CACNA2D1: variants seen among roughly 807,000 people sequenced by gnomAD.
The protein encoded by CACNA2D1 is calcium voltage-gated channel auxiliary subunit alpha2delta 1, also known as voltage-dependent calcium channel subunit alpha-2/delta-1.
In CACNA2D1, 53 loss-of-function variants were observed where a neutral mutation model predicts 171.5. The ratio of observed to expected loss-of-function variants is 0.31; its 90% CI spans 0.25 to 0.39. The LOEUF (loss-of-function observed/expected upper bound fraction) is 0.39. Among genes scored for constraint, CACNA2D1 ranks in the 10% least tolerant of loss-of-function variants. CACNA2D1 has a pLI of 1.00. For synonymous variants in CACNA2D1, 442 were observed against 443.1 expected (o/e 1.00, Z 0.03); for missense variants, 903 against 1,299.8 (o/e 0.69, Z 4.69).
intron 6 of CACNA2D1, among the ~76,000 whole-genome samples, chr7:82,110,784 A>C (rs1266050664): frequency 1.3e-5 from 2 of 152,218 alleles, no homozygotes; most frequent in African/African-American, 4.8e-5. Flanking sequence ...AAATTGCCTT[A>C]GCCACAAGGC....
chr7:82,087,456 T>C (rs1156290019), intron 6 of CACNA2D1, among the ~76,000 whole-genome samples: 1 of 151,726 alleles, frequency 6.6e-6, no homozygotes, highest in East Asian at 1.9e-4. Flanking sequence ...CAGAGTATTA[T>C]AGAGCAAGAA....
chr7:82,302,411 C>T (rs201239305), intron 3 of CACNA2D1, among the ~76,000 whole-genome samples: 10 of 140,104 alleles, frequency 7.1e-5, no homozygotes, highest in Non-Finnish European at 1.4e-4. Context: ...ATTTCTAATT[C>T]TTTTTTTTTT....
At chr7:82,242,342 A>C (rs1224732827) in intron 3 of CACNA2D1, among the ~76,000 whole-genome samples, 1 of 152,154 alleles carries the variant, frequency 6.6e-6, no homozygotes, top group South Asian at 2.1e-4. Context: ...AAAGTAATCT[A>C]AGATGTAAAA....
In CACNA2D1 at chr7:81,959,787, G is replaced by A; in HGVS notation, c.3009C>T (p.Phe1003=). 1 of 1,612,564 alleles carries A rather than the reference G, an allele frequency of 6.2e-7. No individual in the cohort carries two copies. Among genetic ancestry groups the A allele is most frequent in the Non-Finnish European group, 8.5e-7 (1 of 1,179,124 alleles). The change falls in exon 37 of 39, where the codon TTC becomes TTT. Residue 1003 remains phenylalanine (F), a synonymous_variant. Transcript: ENST00000356860. ...ATGTCCCTTTGCTCTCAACCATTATGAATATTAAGTTGGTGTTCATAAGCT... is the reference window on the plus strand; with the variant it reads ...ATGTCCCTTTGCTCTCAACCATTATAAATATTAAGTTGGTGTTCATAAGCT... ...GEKLMNTNLI[F]IMVESKGTCP... is the part of the protein sequence containing the mutation.
chr7:81,991,277 C>A, intron 20 of CACNA2D1, 31 bp from the exon 21 acceptor site: 2 of 1,124,480 alleles, frequency 1.8e-6, no homozygotes, highest in Non-Finnish European at 2.7e-6. Flanking sequence ...GTTATTATCA[C>A]TTTACATTTT....
chr7:82,009,861 A>G (rs1799558194), intron 15 of CACNA2D1, among the ~76,000 whole-genome samples: 1 of 152,030 alleles, frequency 6.6e-6, no homozygotes, highest in Non-Finnish European at 1.5e-5. Flanking sequence ...TTTTAAAAAT[A>G]TTTTCTAGAG....
chr7:82,029,495 T>A (rs1028194400), intron 12 of CACNA2D1: 1 of 151,828 alleles, frequency 6.6e-6, no homozygotes, highest in Non-Finnish European at 1.5e-5. Flanking sequence ...CTGAGTTAAC[T>A]GTCTTATTCT....
At chr7:81,966,870 T>A (rs1794751496) in intron 31 of CACNA2D1, among the ~76,000 whole-genome samples, 1 of 151,340 alleles carries the variant, frequency 6.6e-6, no homozygotes, top group Admixed American at 6.6e-5. Context: ...TATCCAGAAA[T>A]AGAGCTAAAG....
At chr7:82,037,433 C>T (rs1003774609) in intron 11 of CACNA2D1, among the ~76,000 whole-genome samples, 1 of 151,910 alleles carries the variant, frequency 6.6e-6, no homozygotes, top group Non-Finnish European at 1.5e-5. Flanking sequence ...GAGCCAAGAT[C>T]GTGCCACTGC....
At chr7:82,317,820 G>T (rs1212370530) in intron 3 of CACNA2D1, among the ~76,000 whole-genome samples, 44 of 151,936 alleles carry the variant, frequency 2.9e-4, no homozygotes, top group Admixed American at 2.9e-3. Context: ...AAATTATAAA[G>T]CTCCAATAAA....
At chr7:82,017,552 G>T (rs968044328) in intron 12 of CACNA2D1, among the ~76,000 whole-genome samples, 5 of 151,620 alleles carry the variant, frequency 3.3e-5, no homozygotes, top group Non-Finnish European at 7.4e-5. Context: ...AATAGTCAAT[G>T]AACTAAATTC....
chr7:82,150,473 T>C (rs1474341702), intron 4 of CACNA2D1, among the ~76,000 whole-genome samples: 1 of 151,466 alleles, frequency 6.6e-6, no homozygotes, highest in Non-Finnish European at 1.5e-5. Flanking sequence ...TGTAGAAGCA[T>C]GTAAAACTGT....
At chr7:82,418,162 T>C (rs892894577) in intron 1 of CACNA2D1, among the ~76,000 whole-genome samples, 1 of 152,040 alleles carries the variant, frequency 6.6e-6, no homozygotes, top group South Asian at 2.1e-4. Flanking sequence ...GAGAGAGAAA[T>C]GAGTGCCCAG....
At position 82,071,652 on chromosome 7, in the gene CACNA2D1, C is replaced by T. The variant is rs746040497; in HGVS notation, c.659-5128G>A. ...TCTACACGTGGAAAAAAATGGTATG[C>T]ACAGATACTTGAAATGCCAGAAGAA... On this transcript the variant is annotated intron_variant, in intron 7 of 38. Transcript: ENST00000356860. Among the ~76,000 whole-genome samples the T allele has an allele frequency of 3.9e-4, 60 of 152,098 alleles. 1 individual carries two copies. Among genetic ancestry groups the T allele is most frequent in the Admixed American group, 2.6e-4 (4 of 15,254 alleles).
intron 1 of CACNA2D1, among the ~76,000 whole-genome samples, chr7:82,381,304 ACT>A (rs571723159): frequency 1.2e-3 from 165 of 134,182 alleles, no homozygotes; most frequent in African/African-American, 4.4e-3. Context: ...AAAGAGCGAG[ACT>A]CTGTCTCAAA....
rs187051807 is a variant in CACNA2D1 at position 82,293,546 on chromosome 7, C to T, written c.294+41589G>A. ...CTTGTGCCAATAGCTGCAGAAATTA[C>T]GTTTACAAACTCCTTTCTAATTCTA... On this transcript the variant is annotated intron_variant, in intron 3 of 38. Transcript: ENST00000356860. 1.1e-4 allele frequency among the ~76,000 whole-genome samples: 17 copies of T among 152,260 alleles called. No homozygotes were observed. In the East Asian group the frequency reaches 2.7e-3, roughly 24 times the overall value.
At chr7:82,007,356 A>G (rs1799228745) in intron 16 of CACNA2D1, among the ~76,000 whole-genome samples, 1 of 152,166 alleles carries the variant, frequency 6.6e-6, no homozygotes, top group South Asian at 2.1e-4. Context: ...AACTCCATTA[A>G]TAGCTCAGAT....
At chr7:82,276,896 C>T (rs1252672203) in intron 3 of CACNA2D1, among the ~76,000 whole-genome samples, 1 of 151,708 alleles carries the variant, frequency 6.6e-6, no homozygotes, top group African/African-American at 2.4e-5. Flanking sequence ...CTACAGGCAA[C>T]CACCACCATA....
chr7:81,999,948 C>T (rs1269619343), intron 18 of CACNA2D1, among the ~76,000 whole-genome samples: 1 of 152,086 alleles, frequency 6.6e-6, no homozygotes, highest in Non-Finnish European at 1.5e-5. Context: ...GCACTTTAGA[C>T]CTCCATGGGG....
Sources: gnomAD v4.1 joint callset for allele counts (sites outside exome capture counted in the v4.1 genomes callset) on GRCh38, gnomAD v4.1.1 for gene constraint, MANE v1.5 for transcripts, NCBI Gene and HGNC (gene_info 2026-07-23, HGNC 2026-07-21) for gene names.